CFAP54: variants seen among roughly 807,000 people sequenced by gnomAD.
CFAP54 encodes cilia- and flagella-associated protein 54.
In CFAP54, 290 loss-of-function variants were observed where a neutral mutation model predicts 370.4. The ratio of observed to expected loss-of-function variants is 0.78; its 90% CI spans 0.71 to 0.86. CFAP54 has a LOEUF of 0.86. CFAP54 is among the 40% of genes least tolerant of loss of function. The pLI, the probability that CFAP54 is intolerant of heterozygous loss-of-function variation, is 0.00. For synonymous variants in CFAP54, 1,206 were observed against 1,236.5 expected, an observed-to-expected ratio of 0.98 and a Z score of 0.52; for missense variants, 3,399 against 3,528.7, an observed-to-expected ratio of 0.96 and a Z score of 0.93.
intron 31 of CFAP54, 94 bp downstream of exon 31, chr12:96,630,298 G>T (rs906840364): frequency 3.2e-6 from 2 of 630,444 alleles, no homozygotes; most frequent in Non-Finnish European, 5.2e-6. Context: ...ATTATAATAT[G>T]AAACAGAAGG....
chr12:96,496,129 T>C (rs932311820), intron 1 of CFAP54, among the ~76,000 whole-genome samples: 1 of 152,252 alleles, frequency 6.6e-6, no homozygotes, highest in African/African-American at 2.4e-5. Context: ...TATATGCATA[T>C]ATTTTTCTAC....
chr12:96,654,235 C>G, intron 36 of CFAP54, among the ~76,000 whole-genome samples: 1 of 152,124 alleles, frequency 6.6e-6, no homozygotes, highest in South Asian at 2.1e-4. Flanking sequence ...GGCGCGGTGG[C>G]TCATGCCTGT....
chr12:96,666,245 T>C (rs1008514335), intron 39 of CFAP54, among the ~76,000 whole-genome samples: 1 of 152,230 alleles, frequency 6.6e-6, no homozygotes. Context: ...TTTTCCTTAT[T>C]CTGTTTCAAG....
In CFAP54 at chr12:96,534,182, G is replaced by C; in HGVS notation, c.1660G>C (p.Glu554Gln). 1 of 1,504,508 alleles carries C rather than the reference G, an allele frequency of 6.6e-7. No homozygotes were observed. Among genetic ancestry groups the C allele is most frequent in the Non-Finnish European group, 8.9e-7 (1 of 1,123,580 alleles). 93.2% of individuals were successfully genotyped at this position (1,504,508 alleles called of 1,614,324 possible). ...GLIFPLENYK[E>Q]GQSTQIYLKK... The stretch of plus-strand genomic sequence containing the variant: ...GATCTTTCCTTTGGAAAACTATAAA[G>C]AAGGACAGTCAACTCAAATTTATTT... Residue 554 changes from glutamate (E) to glutamine (Q), a missense_variant, in exon 11 of 68, where the codon GAA becomes CAA. This residue lies in a region of CFAP54 where 2,796 missense variants were observed against 2,869.7 expected (regional missense o/e 0.97). Coordinates refer to ENST00000524981, the MANE Select transcript of CFAP54 (RefSeq NM_001306084.2).
intron 51 of CFAP54, among the ~76,000 whole-genome samples, chr12:96,741,814 G>A (rs1437629883): frequency 6.6e-6 from 1 of 152,134 alleles, no homozygotes; most frequent in Non-Finnish European, 1.5e-5. Context: ...TGGAATATGA[G>A]CAGCATACAG....
At chr12:96,601,384 C>T (rs906346381) in intron 26 of CFAP54, among the ~76,000 whole-genome samples, 2 of 152,140 alleles carry the variant, frequency 1.3e-5, no homozygotes, top group Admixed American at 6.5e-5. Flanking sequence ...ATTTTCACAT[C>T]GATGTTCATC....
intron 66 of CFAP54, among the ~76,000 whole-genome samples, chr12:96,831,371 C>CTA (rs1455036072): frequency 6.6e-6 from 1 of 152,200 alleles, no homozygotes; most frequent in Non-Finnish European, 1.5e-5. Flanking sequence ...AGCCTATGAG[C>CTA]TATATCTGGT....
At chr12:96,656,680 C>G (rs1010830521) in intron 36 of CFAP54, among the ~76,000 whole-genome samples, 1 of 152,158 alleles carries the variant, frequency 6.6e-6, no homozygotes. Flanking sequence ...CATGCCTGGC[C>G]CTCAGCTTCA....
At chr12:96,584,686 G>A (rs570885457) in intron 22 of CFAP54, among the ~76,000 whole-genome samples, 1 of 151,278 alleles carries the variant, frequency 6.6e-6, no homozygotes, top group East Asian at 1.9e-4. Flanking sequence ...TACTTGTTTA[G>A]ATAATTCTGA....
intron 2 of CFAP54, among the ~76,000 whole-genome samples, chr12:96,502,110 G>A (rs1385518800): frequency 3.3e-5 from 5 of 152,142 alleles, no homozygotes; most frequent in Admixed American, 1.3e-4. Flanking sequence ...TTAGTGGAGG[G>A]AGGAGAGAGG....
intron 1 of CFAP54, among the ~76,000 whole-genome samples, chr12:96,492,828 A>G (rs1954900519): frequency 2.0e-5 from 3 of 152,126 alleles, no homozygotes; most frequent in Admixed American, 2.0e-4. Flanking sequence ...CTCTGTCTCT[A>G]CTAAAAAATA....
intron 65 of CFAP54, among the ~76,000 whole-genome samples, chr12:96,821,632 C>T (rs977160444): frequency 1.1e-4 from 16 of 148,956 alleles, no homozygotes; most frequent in Non-Finnish European, 4.4e-5. Context: ...TAGCTCACAG[C>T]GTTTGAAAGT....
intron 45 of CFAP54, among the ~76,000 whole-genome samples, chr12:96,696,247 C>T (rs1031711094): frequency 2.6e-5 from 4 of 151,960 alleles, no homozygotes; most frequent in African/African-American, 7.3e-5. Flanking sequence ...TACCAGAGGT[C>T]GATGACATTG....
chr12:96,792,592 C>G lies in CFAP54; in HGVS notation c.8850+93C>G, dbSNP rs988718225. 3 of 927,592 alleles carry G rather than the reference C, an allele frequency of 3.2e-6. No individual in the cohort carries two copies. In the African/African-American group the frequency reaches 5.0e-5, roughly 16 times the overall value. 57.5% of individuals were successfully genotyped at this position (927,592 alleles called of 1,614,324 possible). ...TGGAGAGTAGAGGACATTCTCTTAT[C>G]ATATAGATGAGAACAGGTATCAATA... On this transcript the variant is annotated intron_variant, in intron 63 of 67. Coordinates refer to ENST00000524981, the MANE Select transcript of CFAP54 (RefSeq NM_001306084.2).
chr12:96,619,886 C>T (rs990927719), intron 26 of CFAP54, among the ~76,000 whole-genome samples: 1 of 152,196 alleles, frequency 6.6e-6, no homozygotes, highest in Non-Finnish European at 1.5e-5. Flanking sequence ...CAAGGTTTTG[C>T]ATGACCTAAC....
At chr12:96,595,346 A>G (rs763478073) in intron 25 of CFAP54, among the ~76,000 whole-genome samples, 4 of 152,116 alleles carry the variant, frequency 2.6e-5, no homozygotes, top group Non-Finnish European at 5.9e-5. Flanking sequence ...CATACAGGGC[A>G]TGTACACCAG....
At chr12:96,828,270 T>C (rs1483468680) in intron 65 of CFAP54, among the ~76,000 whole-genome samples, 2 of 150,950 alleles carry the variant, frequency 1.3e-5, no homozygotes, top group African/African-American at 4.9e-5. Flanking sequence ...TCAGTATGAG[T>C]TGAGTATGGT....
intron 32 of CFAP54, among the ~76,000 whole-genome samples, chr12:96,634,044 A>ATTTTTTT (rs1238845346): frequency 1.2e-5 from 1 of 85,360 alleles, no homozygotes; most frequent in African/African-American, 3.6e-5. Flanking sequence ...GATAGCGAAC[A>ATTTTTTT]TCTTTTTTTT....
At chr12:96,871,294 T>A (rs1268530049) in intron 67 of CFAP54, among the ~76,000 whole-genome samples, 1 of 152,192 alleles carries the variant, frequency 6.6e-6, no homozygotes, top group East Asian at 1.9e-4. Flanking sequence ...AAAAGGGACT[T>A]AATAAATTAT....
Sources: gnomAD v4.1 joint callset for allele counts (sites outside exome capture counted in the v4.1 genomes callset) on GRCh38, gnomAD v4.1.1 for gene constraint, gnomAD v4.1.1 regional missense constraint, MANE v1.5 for transcripts, NCBI Gene and HGNC (gene_info 2026-07-23, HGNC 2026-07-21) for gene names.